The following EOGT variants were observed in gnomAD, a reference collection of about 807,000 sequenced individuals.
The protein encoded by EOGT is EGF domain-specific O-linked N-acetylglucosamine transferase.
A neutral mutation model predicts 70.5 loss-of-function variants in EOGT; 55 were observed. The ratio of observed to expected loss-of-function variants is 0.78; its 90% CI spans 0.63 to 0.98. The LOEUF (loss-of-function observed/expected upper bound fraction) is 0.98, where lower values mean the gene tolerates loss of function less well. Ranked by LOEUF, EOGT falls within the 50% of genes least tolerant of loss-of-function variation. EOGT has a pLI of 0.00. For synonymous variants in EOGT, 246 were observed against 217.1 expected, an observed-to-expected ratio of 1.13 and a Z score of -1.17; for missense variants, 703 against 641.9, an observed-to-expected ratio of 1.10 and a Z score of -1.03.
intron 10 of EOGT, among the ~76,000 whole-genome samples, chr3:68,991,331 T>C (rs1006676484): frequency 6.6e-6 from 1 of 152,216 alleles, no homozygotes; most frequent in Non-Finnish European, 1.5e-5. Context: ...AATCTATGAC[T>C]TAGAAATTCC....
At chr3:68,988,241 T>A in intron 13 of EOGT, 54 bp downstream of exon 13, 1 of 1,243,022 alleles carries the variant, frequency 8.0e-7, no homozygotes, top group Non-Finnish European at 1.1e-6. Context: ...GGTATCGATT[T>A]TTATTAGGGA....
chr3:69,005,287 C>G, intron 6 of EOGT, 53 bp from the exon 7 acceptor site: 1 of 985,978 alleles, frequency 1.0e-6, no homozygotes, highest in East Asian at 2.4e-5. Flanking sequence ...ACAGCAAAGA[C>G]TCATCCGGAC....
At chr3:69,007,328 A>C (rs1234165706) in intron 6 of EOGT, among the ~76,000 whole-genome samples, 1 of 152,150 alleles carries the variant, frequency 6.6e-6, no homozygotes, top group Non-Finnish European at 1.5e-5. Context: ...GCTAAATGAT[A>C]AATATTAAAA....
intron 6 of EOGT, among the ~76,000 whole-genome samples, chr3:69,006,840 G>T (rs555551460): frequency 6.6e-5 from 10 of 152,324 alleles, no homozygotes; most frequent in African/African-American, 1.7e-4. Context: ...TTTAATCCTA[G>T]ATGTGTAATT....
At position 69,005,237 on chromosome 3, in the gene EOGT, G is replaced by C. The variant is rs1259623186; in HGVS notation, c.421-3C>G. On this transcript the variant is annotated splice_polypyrimidine_tract_variant and splice_region_variant and intron_variant, in intron 6 of 17. Transcript: ENST00000383701. ...GAACACACCAGACTTGAGTCACTCT[G>C]AAGGTTGAGCAAAAGAAAAGAATGA... The C allele has an allele frequency of 6.5e-7, 1 of 1,549,712 alleles. No homozygotes were observed. Among genetic ancestry groups the C allele is most frequent in the South Asian group, 1.1e-5 (1 of 87,810 alleles).
At position 69,005,247 on chromosome 3, in the gene EOGT, CAAAAG is replaced by C. The variant is rs760992026; in HGVS notation, c.421-18_421-14del. 8 of 1,493,158 alleles carry C rather than the reference CAAAAG, an allele frequency of 5.4e-6. No individual in the cohort carries two copies. Among genetic ancestry groups the C allele is most frequent in the Non-Finnish European group, 7.4e-6 (8 of 1,077,800 alleles). 92.5% of individuals were successfully genotyped at this position (1,493,158 alleles called of 1,614,324 possible). ...GACTTGAGTCACTCTGAAGGTTGAG[CAAAAG>C]AAAAGAATGACTCTGAGTATTAACA... On this transcript the variant is annotated splice_polypyrimidine_tract_variant and intron_variant, in intron 6 of 17. Coordinates refer to ENST00000383701, the MANE Select transcript of EOGT (RefSeq NM_001278689.2).
rs2107107928 is a variant in EOGT at position 68,977,271 on chromosome 3, A to T, written c.*347T>A. The T allele has an allele frequency of 5.5e-6, 1 of 182,498 alleles. No individual in the cohort carries two copies. Among genetic ancestry groups the T allele is most frequent in the African/African-American group, 2.4e-5 (1 of 41,808 alleles). The allele number at this position is 182,498 out of a possible 1,614,324, so 11.3% of individuals were successfully genotyped here. ...AACCTGGGGAGGCAGAAGTTGCATAAACTGAGATCATGCCACTGCACTCCA... is the reference window on the plus strand; with the variant it reads ...AACCTGGGGAGGCAGAAGTTGCATATACTGAGATCATGCCACTGCACTCCA... On this transcript the variant is annotated 3_prime_UTR_variant, in exon 18 of 18. Coordinates refer to ENST00000383701, the MANE Select transcript of EOGT (RefSeq NM_001278689.2).
intron 10 of EOGT, among the ~76,000 whole-genome samples, chr3:68,996,651 C>G (rs1195513413): frequency 6.6e-6 from 1 of 152,228 alleles, no homozygotes; most frequent in African/African-American, 2.4e-5. Context: ...CCAGGCGAAT[C>G]TTGTCTCCTT....
At chr3:68,979,462 G>T (rs1431035994) in intron 16 of EOGT, among the ~76,000 whole-genome samples, 1 of 152,116 alleles carries the variant, frequency 6.6e-6, no homozygotes, top group African/African-American at 2.4e-5. Context: ...AAGATGAAGG[G>T]GTAGTTGGCT....
intron 6 of EOGT, among the ~76,000 whole-genome samples, chr3:69,005,524 G>A (rs987237128): frequency 1.3e-5 from 2 of 151,888 alleles, no homozygotes; most frequent in East Asian, 1.9e-4. Context: ...GCTCAGTTCA[G>A]TCCCCTTTAA....
rs146952006 is a variant in EOGT, at chr3:69,009,645, G to C, written c.202C>G (p.Pro68Ala). ...AAAGAAATAATACCTACCTTATATGGACAAAGAGAGTCTTTCCTACAGACA... is the reference window on the plus strand; with the variant it reads ...AAAGAAATAATACCTACCTTATATGCACAAAGAGAGTCTTTCCTACAGACA... The part of the protein sequence containing the change: ...ATVCRKDSLC[P>A]YKKHLEKLKY... Residue 68 changes from proline to alanine, a missense_variant, in exon 4 of 18, where the codon CCA (proline) becomes GCA (alanine). Physicochemically the swap from Pro to Ala is conservative, Grantham distance 27. Transcript: ENST00000383701. 1.3e-5 allele frequency: 21 copies of C among 1,611,794 alleles called. No individual in the cohort carries two copies. Among genetic ancestry groups the C allele is most frequent in the Non-Finnish European group, 1.7e-5 (20 of 1,178,024 alleles).
chr3:68,993,119 C>T (rs1364134575), intron 10 of EOGT, among the ~76,000 whole-genome samples: 2 of 152,224 alleles, frequency 1.3e-5, no homozygotes, highest in East Asian at 3.9e-4. Context: ...TGGGAAGTAA[C>T]ATTAGGCTCC....
Position 68,976,814 on chromosome 3 carries a change from A to T in EOGT, c.*804T>A, listed in dbSNP as rs1202737110. 3 of 152,630 alleles carry T rather than the reference A, an allele frequency of 2.0e-5. No individual in the cohort carries two copies. Among genetic ancestry groups the T allele is most frequent in the African/African-American group, 7.2e-5 (3 of 41,436 alleles). 9.5% of individuals were successfully genotyped at this position (152,630 alleles called of 1,614,324 possible). A position where few individuals can be genotyped will look rare whatever the true frequency, so the allele number is the denominator to read the frequency against. ...TTACAGTCATATGATATTCTACAAA[A>T]ATATTTACAAATTCTAAAGCTGAAA... is the stretch of plus-strand genomic sequence containing the variant. On this transcript the variant is annotated 3_prime_UTR_variant, in exon 18 of 18. Coordinates refer to ENST00000383701, the MANE Select transcript of EOGT (RefSeq NM_001278689.2).
intron 10 of EOGT, among the ~76,000 whole-genome samples, chr3:68,994,597 G>A (rs1018347129): frequency 6.6e-6 from 1 of 152,168 alleles, no homozygotes; most frequent in Non-Finnish European, 1.5e-5. Context: ...TTCGAAACCA[G>A]CCTGGTCAAC....
chr3:69,005,164 C>G lies in EOGT; in HGVS notation c.491G>C (p.Arg164Thr), dbSNP rs1230501608. 1 of 1,591,724 alleles carries G rather than the reference C, an allele frequency of 6.3e-7. No individual in the cohort carries two copies. The highest frequency in any genetic ancestry group is 1.7e-5 in the Admixed American group (1 of 59,480). ...CCTGTCATGATTTCTCTTGATGTTTCTTAAATCAAGATAGAGATTGGTTGC... is the reference window on the plus strand; with the variant it reads ...CCTGTCATGATTTCTCTTGATGTTTGTTAAATCAAGATAGAGATTGGTTGC... ...CRATNLYLDL[R>T]NIKRNHDRFK... The change falls in exon 7 of 18, where the codon AGA becomes ACA. Residue 164 changes from arginine (R) to threonine (T), a missense_variant. By Grantham distance (71) the Arg-to-Thr change is moderately conservative. Coordinates refer to ENST00000383701, the MANE Select transcript of EOGT (RefSeq NM_001278689.2).
chr3:69,013,084 G>A (rs2091616072), intron 1 of EOGT, among the ~76,000 whole-genome samples: 1 of 152,038 alleles, frequency 6.6e-6, no homozygotes, highest in African/African-American at 2.4e-5. Flanking sequence ...CCAGCTGTCC[G>A]CTTGAACGTC....
At position 69,001,370 on chromosome 3, in the gene EOGT, C is replaced by T. The variant is rs549868230; in HGVS notation, c.727+238G>A. ...CATAAATATGCCTTCACCTCTCGTCCTTTGATTTTGGTTAAGTCCTTTGAT... is the reference window on the plus strand; with the variant it reads ...CATAAATATGCCTTCACCTCTCGTCTTTTGATTTTGGTTAAGTCCTTTGAT... On this transcript the variant is annotated intron_variant, in intron 9 of 17. Transcript: ENST00000383701. Among the ~76,000 whole-genome samples the T allele has an allele frequency of 4.2e-3, 632 of 152,240 alleles. 3 individuals carry two copies. The highest frequency in any genetic ancestry group is 7.1e-3 in the Non-Finnish European group (485 of 68,016).
intron 10 of EOGT, among the ~76,000 whole-genome samples, chr3:68,992,749 C>T (rs982947913): frequency 6.6e-6 from 1 of 152,242 alleles, no homozygotes; most frequent in Non-Finnish European, 1.5e-5. Context: ...GAGCCCCGCC[C>T]CTGCAGCAAA....
chr3:68,997,709 A>T (rs2091189346), intron 10 of EOGT, among the ~76,000 whole-genome samples: 1 of 152,200 alleles, frequency 6.6e-6, no homozygotes, highest in Non-Finnish European at 1.5e-5. Flanking sequence ...AGGAACACTA[A>T]GCCAAAGTCA....
Sources: gnomAD v4.1 joint callset for allele counts (sites outside exome capture counted in the v4.1 genomes callset) on GRCh38, gnomAD v4.1.1 for gene constraint, MANE v1.5 for transcripts, NCBI Gene and HGNC (gene_info 2026-07-23, HGNC 2026-07-21) for gene names.